EYS: variants seen among roughly 807,000 people sequenced by gnomAD.
EYS encodes EGF-like photoreceptor maintenance factor, also known as protein eyes shut homolog.
In EYS, 250 loss-of-function variants were observed where a neutral mutation model predicts 282.1. The observed-to-expected ratio is 0.89, with a 90% confidence interval of 0.80 to 0.98. EYS has a LOEUF of 0.98. Among genes scored for constraint, EYS ranks in the 50% least tolerant of loss-of-function variants. The pLI, the probability that EYS is intolerant of heterozygous loss-of-function variation, is 0.00. For missense variants in EYS, 4,016 were observed against 3,709.0 expected (o/e 1.08, Z -2.15); for synonymous variants, 1,355 against 1,282.9 (o/e 1.06, Z -1.20).
intron 26 of EYS, among the ~76,000 whole-genome samples, chr6:64,495,314 G>C (rs9451767): frequency 1.3e-5 from 2 of 151,600 alleles, no homozygotes; most frequent in East Asian, 3.9e-4. Flanking sequence ...TGTTATATAC[G>C]CTTTTTAGTC....
At chr6:65,479,494 A>C (rs949216438) in intron 5 of EYS, among the ~76,000 whole-genome samples, 1 of 152,208 alleles carries the variant, frequency 6.6e-6, no homozygotes, top group Non-Finnish European at 1.5e-5. Context: ...ATAAAAATAG[A>C]CCAATAGAAT....
At chr6:65,169,435 T>G (rs1252654016) in intron 12 of EYS, among the ~76,000 whole-genome samples, 2 of 151,468 alleles carry the variant, frequency 1.3e-5, no homozygotes, top group African/African-American at 2.4e-5. Context: ...AAAATACAAA[T>G]ATATGTATTA....
chr6:64,265,598 T>C (rs1021873111), intron 30 of EYS, among the ~76,000 whole-genome samples: 4 of 152,202 alleles, frequency 2.6e-5, no homozygotes, highest in East Asian at 1.9e-4. Context: ...AAATTGAGAA[T>C]AGAAAAGTAA....
At chr6:64,286,213 G>A (rs531601110) in intron 30 of EYS, among the ~76,000 whole-genome samples, 1 of 152,096 alleles carries the variant, frequency 6.6e-6, no homozygotes, top group Non-Finnish European at 1.5e-5. Context: ...GAGTAGTGAG[G>A]GATGACCAAG....
At chr6:64,782,462 C>T (rs952731567) in intron 22 of EYS, among the ~76,000 whole-genome samples, 1 of 152,190 alleles carries the variant, frequency 6.6e-6, no homozygotes, top group African/African-American at 2.4e-5. Context: ...CTCTCAGATA[C>T]TGCCCATCTT....
At chr6:64,696,253 A>G (rs1185653892) in intron 22 of EYS, among the ~76,000 whole-genome samples, 3 of 152,180 alleles carry the variant, frequency 2.0e-5, no homozygotes, top group East Asian at 3.8e-4. Flanking sequence ...GAATAGACCG[A>G]GCACAAGAAA....
intron 2 of EYS, among the ~76,000 whole-genome samples, chr6:65,603,384 A>G (rs1024999447): frequency 3.3e-5 from 5 of 151,970 alleles, no homozygotes; most frequent in African/African-American, 9.7e-5. Context: ...TCATTTGTCA[A>G]TTGGGATAAT....
chr6:64,624,003 C>A (rs991938265), intron 23 of EYS, among the ~76,000 whole-genome samples: 3 of 152,040 alleles, frequency 2.0e-5, no homozygotes, highest in African/African-American at 7.2e-5. Flanking sequence ...GTGTTGGGGA[C>A]GTGTCAATAG....
At chr6:65,658,210 TGAGA>T (rs1767892104) in intron 1 of EYS, among the ~76,000 whole-genome samples, 1 of 151,640 alleles carries the variant, frequency 6.6e-6, no homozygotes, top group Non-Finnish European at 1.5e-5. Flanking sequence ...AAGGAAAGTC[TGAGA>T]AACTGTCACA....
At chr6:64,572,110 G>C (rs1293222524) in intron 26 of EYS, among the ~76,000 whole-genome samples, 4 of 152,090 alleles carry the variant, frequency 2.6e-5, no homozygotes, top group Non-Finnish European at 4.4e-5. Context: ...GGGATGCAAG[G>C]CTGGTTCAAC....
intron 31 of EYS, among the ~76,000 whole-genome samples, chr6:64,222,745 G>A (rs776166755): frequency 6.6e-6 from 1 of 151,896 alleles, no homozygotes; most frequent in African/African-American, 2.4e-5. Flanking sequence ...AAGACTATGA[G>A]TTGCAGTATC....
intron 26 of EYS, among the ~76,000 whole-genome samples, chr6:64,518,189 A>T (rs1777620262): frequency 2.0e-5 from 3 of 151,806 alleles, no homozygotes; most frequent in Non-Finnish European, 4.4e-5. Context: ...AGAAATTATT[A>T]AACCTCTCTC....
intron 22 of EYS, among the ~76,000 whole-genome samples, chr6:64,765,172 A>C (rs957178335): frequency 6.6e-6 from 1 of 152,244 alleles, no homozygotes; most frequent in African/African-American, 2.4e-5. Flanking sequence ...AGATACCCTG[A>C]ATCATCTCAG....
intron 39 of EYS, among the ~76,000 whole-genome samples, chr6:63,785,694 A>G (rs1308145024): frequency 6.6e-6 from 1 of 152,162 alleles, no homozygotes; most frequent in Non-Finnish European, 1.5e-5. Flanking sequence ...CGAACTTTGG[A>G]TTAGAGTTAT....
chr6:64,137,857 A>T (rs1774213253), intron 31 of EYS, among the ~76,000 whole-genome samples: 1 of 152,172 alleles, frequency 6.6e-6, no homozygotes, highest in Non-Finnish European at 1.5e-5. Flanking sequence ...ACTGTTGAAA[A>T]AATGACACCC....
chr6:65,358,127 G>T (rs750844603), intron 8 of EYS, among the ~76,000 whole-genome samples: 9 of 151,870 alleles, frequency 5.9e-5, no homozygotes, highest in Non-Finnish European at 1.0e-4. Context: ...AGTTTACATG[G>T]AAGTGTTCAC....
chr6:65,075,516 A>G (rs536403095), intron 12 of EYS, among the ~76,000 whole-genome samples: 1 of 152,132 alleles, frequency 6.6e-6, no homozygotes, highest in East Asian at 1.9e-4. Flanking sequence ...TTAAAGGAAG[A>G]GCCAGAAACG....
At chr6:63,855,324 T>C (rs574892621) in intron 36 of EYS, among the ~76,000 whole-genome samples, 1 of 152,236 alleles carries the variant, frequency 6.6e-6, no homozygotes, top group Non-Finnish European at 1.5e-5. Context: ...ACAGATTATA[T>C]AAGAAGATGA....
intron 29 of EYS, among the ~76,000 whole-genome samples, chr6:64,366,932 C>T (rs1030233606): frequency 3.9e-5 from 6 of 151,928 alleles, no homozygotes; most frequent in Non-Finnish European, 8.8e-5. Context: ...GAATGTTCAG[C>T]GTTTAAGAAG....
Sources: allele counts gnomAD v4.1 joint callset (sites outside exome capture counted in the v4.1 genomes callset), GRCh38; gene constraint gnomAD v4.1.1; transcripts MANE v1.5; gene names NCBI Gene and HGNC (gene_info 2026-07-23, HGNC 2026-07-21).